The following FAT3 variants were observed in gnomAD, a reference collection of about 807,000 sequenced individuals.
FAT3 encodes FAT atypical cadherin 3, also known as protocadherin Fat 3.
Under a neutral mutation model 310.2 loss-of-function variants are expected in FAT3, and 95 were observed. That is an observed-to-expected ratio of 0.31 (90% CI 0.26 to 0.36). The LOEUF is 0.36. Ranked by LOEUF, FAT3 falls within the 10% of genes least tolerant of loss-of-function variation. The pLI is 1.00. For missense variants in FAT3, 5,408 were observed against 5,715.6 expected, an observed-to-expected ratio of 0.95 and a Z score of 1.74; for synonymous variants, 2,314 against 2,192.9, an observed-to-expected ratio of 1.06 and a Z score of -1.54.
intron 19 of FAT3, among the ~76,000 whole-genome samples, chr11:92,847,152 G>C (rs1048890184): frequency 8.5e-5 from 13 of 152,162 alleles, no homozygotes; most frequent in African/African-American, 3.1e-4. Context: ...CTCAAATATA[G>C]TCATGCATGG....
chr11:92,765,829 G>T lies in FAT3; in HGVS notation c.4195+740G>T, dbSNP rs373203491. ...TGACTTTTATTTCTTTGCTTTTGAG[G>T]TATGTGGGCTTTTTGTTGTTTTGTT... On this transcript the variant is annotated intron_variant, in intron 6 of 27. Coordinates refer to ENST00000525166, the MANE Select transcript of FAT3 (RefSeq NM_001367949.2). 2.6e-5 allele frequency among the ~76,000 whole-genome samples: 4 copies of T among 151,948 alleles called. No individual in the cohort carries two copies. The South Asian group carries it at 6.3e-4, about 24-fold the overall frequency.
In FAT3 at chr11:92,883,475, G is replaced by A. The variant is rs1030294714; in HGVS notation, c.12937+82G>A. ...GCTGTGCGAGGACGCTACGGGAAGG[G>A]AGAGAGACCCCGCATGCAGAGCATT... On this transcript the variant is annotated intron_variant, in intron 24 of 27. Transcript: ENST00000525166. The surrounding 1 kb of genome is among the most constrained non-coding windows in gnomAD (Gnocchi z 4.2). 2.7e-6 allele frequency: 4 copies of A among 1,490,498 alleles called. No homozygotes were observed. The highest frequency in any genetic ancestry group is 2.7e-6 in the Non-Finnish European group (3 of 1,111,510). 92.3% of individuals were successfully genotyped at this position (1,490,498 alleles called of 1,614,324 possible).
At chr11:92,456,422 C>G (rs1225779398) in intron 2 of FAT3, among the ~76,000 whole-genome samples, 1 of 152,080 alleles carries the variant, frequency 6.6e-6, no homozygotes, top group Non-Finnish European at 1.5e-5. Flanking sequence ...ACCATTTCAC[C>G]AATAAGAACC....
At chr11:92,332,962 A>G (rs567332525) in intron 1 of FAT3, among the ~76,000 whole-genome samples, 11 of 152,288 alleles carry the variant, frequency 7.2e-5, no homozygotes, top group African/African-American at 2.6e-4. Context: ...TATTTCATAA[A>G]TGTTGGCTGA....
intron 1 of FAT3, among the ~76,000 whole-genome samples, chr11:92,292,952 G>A (rs1329130073): frequency 2.0e-5 from 3 of 151,702 alleles, no homozygotes; most frequent in Admixed American, 6.6e-5. Flanking sequence ...GTTGGAGGGT[G>A]TAGTGGACAA....
At chr11:92,740,213 G>T (rs553478557) in intron 4 of FAT3, among the ~76,000 whole-genome samples, 8 of 152,214 alleles carry the variant, frequency 5.3e-5, no homozygotes, top group African/African-American at 1.7e-4. Context: ...GTACTTATTG[G>T]AAGTCTTTCT....
intron 7 of FAT3, among the ~76,000 whole-genome samples, chr11:92,786,683 G>A (rs1408678939): frequency 1.3e-5 from 2 of 151,958 alleles, no homozygotes; most frequent in Admixed American, 6.6e-5. Flanking sequence ...TTTGAGTAGG[G>A]GAAATATGGA....
At chr11:92,513,652 C>G (rs1953381559) in intron 2 of FAT3, among the ~76,000 whole-genome samples, 1 of 152,136 alleles carries the variant, frequency 6.6e-6, no homozygotes, top group South Asian at 2.1e-4. Flanking sequence ...GCTAAAAAAT[C>G]TTTAATGCAC....
At chr11:92,734,500 C>T (rs534653985) in intron 4 of FAT3, among the ~76,000 whole-genome samples, 9 of 152,040 alleles carry the variant, frequency 5.9e-5, no homozygotes, top group African/African-American at 9.7e-5. Flanking sequence ...GTTAACTGAA[C>T]GCTAAAGTCT....
intron 12 of FAT3, among the ~76,000 whole-genome samples, 165 bp from the exon 13 acceptor site, chr11:92,809,678 A>C (rs909642539): frequency 6.6e-6 from 1 of 152,222 alleles, no homozygotes; most frequent in African/African-American, 2.4e-5. Flanking sequence ...TTTCCCTGAC[A>C]CATAAACTGT....
At chr11:92,507,617 G>A (rs985554794) in intron 2 of FAT3, among the ~76,000 whole-genome samples, 10 of 151,110 alleles carry the variant, frequency 6.6e-5, no homozygotes, top group East Asian at 5.9e-4. Flanking sequence ...GTGTATATAC[G>A]TATAGGAAAA....
chr11:92,723,165 C>T (rs1020743916), intron 4 of FAT3, among the ~76,000 whole-genome samples: 4 of 152,136 alleles, frequency 2.6e-5, no homozygotes, highest in Non-Finnish European at 4.4e-5. Context: ...AAACTGAATG[C>T]CTTTAACAGC....
intron 13 of FAT3, among the ~76,000 whole-genome samples, chr11:92,815,494 A>G (rs751231065): frequency 6.6e-6 from 1 of 152,018 alleles, no homozygotes; most frequent in Non-Finnish European, 1.5e-5. Flanking sequence ...AATGGCATGA[A>G]CCCAGAAGGC....
Position 92,799,583 on chromosome 11 carries a change from T to C in FAT3, c.6570T>C (p.Phe2190=). Residue 2190 remains phenylalanine, a synonymous_variant, in exon 10 of 28, where the codon TTT becomes TTC. Transcript: ENST00000525166. Reference sequence around the variant, plus strand: ...CAATGCCTGTGTTTGATAAGCCCTTTTATACAGCATCTGTCAATGAAGACA... The same window carrying C: ...CAATGCCTGTGTTTGATAAGCCCTTCTATACAGCATCTGTCAATGAAGACA... The part of the protein sequence containing the change: ...NKAMPVFDKP[F]YTASVNEDIR... The C allele has an allele frequency of 1.2e-6, 2 of 1,613,808 alleles. No individual in the cohort carries two copies. Among genetic ancestry groups the C allele is most frequent in the Non-Finnish European group, 1.7e-6 (2 of 1,179,842 alleles).
chr11:92,833,871 G>A (rs1948330044), intron 14 of FAT3, among the ~76,000 whole-genome samples: 2 of 152,182 alleles, frequency 1.3e-5, no homozygotes, highest in South Asian at 4.1e-4. Flanking sequence ...TGCAAAATAA[G>A]CACTAGGGGT....
At chr11:92,255,531 A>C (rs1368003106) in intron 1 of FAT3, among the ~76,000 whole-genome samples, 1 of 151,968 alleles carries the variant, frequency 6.6e-6, no homozygotes, top group Non-Finnish European at 1.5e-5. Flanking sequence ...AGATTTCTAC[A>C]TTTTCACCAG....
intron 13 of FAT3, among the ~76,000 whole-genome samples, chr11:92,819,666 T>C (rs2136231989): frequency 6.6e-6 from 1 of 152,340 alleles, no homozygotes; most frequent in African/African-American, 2.4e-5. Context: ...TAAGTTGTTG[T>C]ATAGTAATGT....
chr11:92,872,660 GATA>G (rs1235750000), intron 22 of FAT3, among the ~76,000 whole-genome samples: 1 of 152,160 alleles, frequency 6.6e-6, no homozygotes, highest in Non-Finnish European at 1.5e-5. Flanking sequence ...TTACTGTGTG[GATA>G]ATGTTAACAC....
At chr11:92,878,215 C>T (rs71473494) in intron 22 of FAT3, among the ~76,000 whole-genome samples, 115 of 152,230 alleles carry the variant, frequency 7.6e-4, no homozygotes, top group East Asian at 3.3e-3. Context: ...AAAATTTATT[C>T]TATGTTACAG....
Sources: allele counts gnomAD v4.1 joint callset (sites outside exome capture counted in the v4.1 genomes callset), GRCh38; gene constraint gnomAD v4.1.1; non-coding constraint Gnocchi (gnomAD v3.1); transcripts MANE v1.5; gene names NCBI Gene and HGNC (gene_info 2026-07-23, HGNC 2026-07-21).